The following C3orf20 variants were observed in gnomAD, a reference collection of about 807,000 sequenced individuals.
C3orf20 encodes the protein uncharacterized protein C3orf20.
Under a neutral mutation model 88.3 loss-of-function variants are expected in C3orf20, and 76 were observed. The ratio of observed to expected loss-of-function variants is 0.86; its 90% CI spans 0.72 to 1.04. The LOEUF is 1.04. C3orf20 is among the 50% of genes least tolerant of loss of function. C3orf20 has a pLI of 0.00. For synonymous variants in C3orf20, 436 were observed against 437.4 expected, an observed-to-expected ratio of 1.00 and a Z score of 0.04; for missense variants, 1,056 against 1,123.3, an observed-to-expected ratio of 0.94 and a Z score of 0.86.
At chr3:14,678,825 A>G (rs2031929908) in intron 1 of C3orf20, among the ~76,000 whole-genome samples, 1 of 151,734 alleles carries the variant, frequency 6.6e-6, no homozygotes, top group South Asian at 2.1e-4. Flanking sequence ...AGATGAGACC[A>G]TATGGAACAC....
intron 12 of C3orf20, among the ~76,000 whole-genome samples, chr3:14,735,993 A>T (rs774689652): frequency 4.6e-5 from 7 of 151,974 alleles, no homozygotes; most frequent in Non-Finnish European, 1.0e-4. Context: ...CAGATTTTTA[A>T]TTTCTTTTTG....
rs371029457 is a variant in C3orf20 at position 14,690,083 on chromosome 3, C to G, written c.712C>G (p.Leu238Val). Reference protein sequence around the residue: ...HSSTACLSFSLSAGKEAKKKI... With the variant: ...HSSTACLSFSVSAGKEAKKKI... ...TTCCACAGCCTGTCTGAGCTTTTCT[C>G]TCTCTGCTGGAAAAGAAGCCAAGAA... The change falls in exon 5 of 17, where the codon CTC becomes GTC. Residue 238 changes from leucine to valine, a missense_variant. Coordinates refer to ENST00000253697, the MANE Select transcript of C3orf20 (RefSeq NM_032137.5). 2.5e-6 allele frequency: 4 copies of G among 1,614,230 alleles called. No homozygotes were observed. In the East Asian group the frequency reaches 8.9e-5, roughly 36 times the overall value.
intron 5 of C3orf20, among the ~76,000 whole-genome samples, chr3:14,697,904 C>T (rs1039147677): frequency 1.3e-5 from 2 of 152,108 alleles, no homozygotes; most frequent in Non-Finnish European, 2.9e-5. Flanking sequence ...TTTTTTATGG[C>T]TGCATAGTAT....
intron 12 of C3orf20, among the ~76,000 whole-genome samples, chr3:14,744,230 T>C (rs2125013428): frequency 6.6e-6 from 1 of 152,098 alleles, no homozygotes; most frequent in South Asian, 2.1e-4. Flanking sequence ...ATCATCTCTC[T>C]CAAGTTCAAA....
intron 6 of C3orf20, 124 bp downstream of exon 6, chr3:14,703,386 A>G: frequency 6.7e-7 from 1 of 1,487,128 alleles, no homozygotes; most frequent in Non-Finnish European, 9.1e-7. Flanking sequence ...GCCACCTGGG[A>G]GCGTGGGTTA....
At chr3:14,691,346 G>GCTGGCCCTAGAT (rs1183142650) in intron 5 of C3orf20, among the ~76,000 whole-genome samples, 1 of 152,182 alleles carries the variant, frequency 6.6e-6, no homozygotes, top group Non-Finnish European at 1.5e-5. Flanking sequence ...GCCCTCCTGA[G>GCTGGCCCTAGAT]CTGGCCCTAG....
At chr3:14,684,174 A>G in intron 3 of C3orf20, 68 bp from the exon 4 acceptor site, 1 of 1,584,674 alleles carries the variant, frequency 6.3e-7, no homozygotes, top group Non-Finnish European at 8.6e-7. Flanking sequence ...CCATTTACAG[A>G]GGTCCTTTTC....
intron 12 of C3orf20, among the ~76,000 whole-genome samples, chr3:14,756,088 G>A (rs1168546873): frequency 6.7e-6 from 1 of 150,094 alleles, no homozygotes; most frequent in African/African-American, 2.4e-5. Flanking sequence ...CCTGCCTGTT[G>A]CACAGAGTTG....
At chr3:14,729,479 G>A (rs2034467033) in intron 12 of C3orf20, among the ~76,000 whole-genome samples, 1 of 152,174 alleles carries the variant, frequency 6.6e-6, no homozygotes, top group African/African-American at 2.4e-5. Context: ...GACGTAGGCA[G>A]GAGTTTGGTC....
intron 13 of C3orf20, among the ~76,000 whole-genome samples, 198 bp downstream of exon 13, chr3:14,757,872 G>A (rs758009974): frequency 2.0e-5 from 3 of 152,140 alleles, no homozygotes; most frequent in Non-Finnish European, 2.9e-5. Context: ...TGTCCTTCCC[G>A]CTCATCCTCT....
chr3:14,737,510 A>G (rs1255948804), intron 12 of C3orf20, among the ~76,000 whole-genome samples: 7 of 152,240 alleles, frequency 4.6e-5, no homozygotes, highest in African/African-American at 1.7e-4. Flanking sequence ...CTAAAAACAC[A>G]ATGTACATAC....
At chr3:14,743,457 G>A (rs1026409428) in intron 12 of C3orf20, among the ~76,000 whole-genome samples, 3 of 151,902 alleles carry the variant, frequency 2.0e-5, no homozygotes, top group Non-Finnish European at 4.4e-5. Context: ...ATGGGCTGAC[G>A]TTGAGTGGCT....
chr3:14,758,873 C>T (rs751144808), intron 13 of C3orf20, among the ~76,000 whole-genome samples: 1 of 152,222 alleles, frequency 6.6e-6, no homozygotes, highest in Non-Finnish European at 1.5e-5. Context: ...CCAGAGCCAA[C>T]CTCCAATTTA....
chr3:14,712,348 G>A (rs2033783885), intron 7 of C3orf20, among the ~76,000 whole-genome samples: 1 of 152,120 alleles, frequency 6.6e-6, no homozygotes, highest in Non-Finnish European at 1.5e-5. Flanking sequence ...GCCTTCCAAA[G>A]CATAACCCTG....
chr3:14,686,639 G>T (rs1575090949), intron 4 of C3orf20, among the ~76,000 whole-genome samples: 1 of 152,092 alleles, frequency 6.6e-6, no homozygotes, highest in South Asian at 2.1e-4. Flanking sequence ...CTCTTCTTTT[G>T]AGAAATGGGT....
In C3orf20 at chr3:14,682,962, C is replaced by A. The variant is rs1262747088; in HGVS notation, c.249C>A (p.Pro83=). 9.3e-6 allele frequency: 15 copies of A among 1,614,050 alleles called. No individual in the cohort carries two copies. Among genetic ancestry groups the A allele is most frequent in the Non-Finnish European group, 1.2e-5 (14 of 1,180,030 alleles). ...CCCCCCTGGTGGTGCTCATGGAACC[C>A]ACCTTTGTGCAGGTCCCCACACTGA... is the stretch of plus-strand genomic sequence containing the variant. ...FGAPLVVLME[P]TFVQVPTLKK... is the part of the protein sequence containing the mutation. Residue 83 remains proline (P), a synonymous_variant, in exon 3 of 17, where the codon CCC becomes CCA. Transcript: ENST00000253697.
At chr3:14,745,685 A>G (rs548031632) in intron 12 of C3orf20, among the ~76,000 whole-genome samples, 20 of 152,336 alleles carry the variant, frequency 1.3e-4, no homozygotes, top group African/African-American at 4.6e-4. Context: ...ATTTTAAGAG[A>G]TAGTGTCAAA....
chr3:14,684,371 A>G lies in C3orf20; in HGVS notation c.614A>G (p.Gln205Arg), dbSNP rs34230332. The change falls in exon 4 of 17, where the codon CAG becomes CGG. Residue 205 changes from glutamine (Q) to arginine (R), a missense_variant. Physicochemically the swap from Gln to Arg is conservative, Grantham distance 43. Coordinates refer to ENST00000253697, the MANE Select transcript of C3orf20 (RefSeq NM_032137.5). ...TAGRSGYSSGQLWKESLANMS... is the reference protein window; with the variant it reads ...TAGRSGYSSGRLWKESLANMS... The stretch of plus-strand genomic sequence containing the variant: ...GGGAGAAGTGGCTACAGCAGCGGAC[A>G]GTTGTGGAAAGGTGGGTACCTGAGC... 0.063 allele frequency: 100,979 copies of G among 1,613,918 alleles called. 3,734 individuals are homozygous for G. The highest frequency in any genetic ancestry group is 0.093 in the Admixed American group (5,555 of 59,980).
At chr3:14,694,345 A>T (rs1194308604) in intron 5 of C3orf20, among the ~76,000 whole-genome samples, 1 of 152,088 alleles carries the variant, frequency 6.6e-6, no homozygotes, top group East Asian at 1.9e-4. Flanking sequence ...GAGACTTTTT[A>T]TTATAGTTTC....
Sources: gnomAD v4.1 joint callset for allele counts (sites outside exome capture counted in the v4.1 genomes callset) on GRCh38, gnomAD v4.1.1 for gene constraint, MANE v1.5 for transcripts, NCBI Gene and HGNC (gene_info 2026-07-23, HGNC 2026-07-21) for gene names.